The following ZNF827 variants were observed in gnomAD, a reference collection of about 807,000 sequenced individuals.
The protein encoded by ZNF827 is zinc finger protein 827.
Under a neutral mutation model 102.4 loss-of-function variants are expected in ZNF827, and 13 were observed. That is an observed-to-expected ratio of 0.13 (90% CI 0.08 to 0.20). The LOEUF (loss-of-function observed/expected upper bound fraction) is 0.20, where lower values mean the gene tolerates loss of function less well. Ranked by LOEUF, ZNF827 falls within the 10% of genes least tolerant of loss-of-function variation. The pLI, the probability that ZNF827 is intolerant of heterozygous loss-of-function variation, is 1.00. For missense variants in ZNF827, 1,103 were observed against 1,344.4 expected, an observed-to-expected ratio of 0.82 and a Z score of 2.81; for synonymous variants, 523 against 536.2, an observed-to-expected ratio of 0.98 and a Z score of 0.34.
Position 145,902,908 on chromosome 4 carries a change from C to G in ZNF827, c.351G>C (p.Lys117Asn). The G allele has an allele frequency of 6.2e-7, 1 of 1,614,170 alleles. No individual in the cohort carries two copies. The highest frequency in any genetic ancestry group is 1.3e-5 in the African/African-American group (1 of 75,046). The change falls in exon 2 of 15, where the codon AAG becomes AAC. Residue 117 changes from lysine (K) to asparagine (N), a missense_variant. Transcript: ENST00000508784. The surrounding 1 kb of genome is among the most constrained non-coding windows in gnomAD (Gnocchi z 4.3). ...GCCGCCTCAAATTGCTGCTCAGGGG[C>G]TTGTTGGAGCCTGGGTCATCGTCAC... ...SLCDDDPGSN[K>N]PLSSNLRRLL...
intron 2 of ZNF827, among the ~76,000 whole-genome samples, chr4:145,899,091 CTT>C (rs1160573474): frequency 6.6e-6 from 1 of 152,116 alleles, no homozygotes; most frequent in African/African-American, 2.4e-5. Context: ...AACAGAAACT[CTT>C]TTCCCTGCTG....
At position 145,892,280 on chromosome 4, in the gene ZNF827, C is replaced by T. The variant is rs1750663834; in HGVS notation, c.1229G>A (p.Arg410Gln). 6.2e-7 allele frequency: 1 copy of T among 1,612,800 alleles called. No individual in the cohort carries two copies. The highest frequency in any genetic ancestry group is 1.1e-5 in the South Asian group (1 of 90,748). ...KSHQCPLCPFRCARKDNLKSH... is the reference protein window; with the variant it reads ...KSHQCPLCPFQCARKDNLKSH... ...TTTGAGATTGTCCTTGCGAGCACAC[C>T]GGAATGGACAGAGCGGACACTGATG... Residue 410 changes from arginine (R) to glutamine (Q), a missense_variant, in exon 3 of 15, where the codon CGG (arginine) becomes CAG (glutamine). Around this residue, in one of 5 missense-constraint regions of ZNF827, gnomAD observed 20 missense variants for 60.6 expected, o/e 0.33. Coordinates refer to ENST00000508784, the MANE Select transcript of ZNF827 (RefSeq NM_001306215.2).
chr4:145,834,480 T>C (rs978848032), intron 7 of ZNF827, among the ~76,000 whole-genome samples: 2 of 151,894 alleles, frequency 1.3e-5, no homozygotes, highest in African/African-American at 4.8e-5. Flanking sequence ...CTCCACCCTA[T>C]ATAATCTTTT....
chr4:145,892,795 G>A (rs1750710038), intron 2 of ZNF827, among the ~76,000 whole-genome samples: 1 of 152,240 alleles, frequency 6.6e-6, no homozygotes, highest in Admixed American at 6.5e-5. Context: ...GTTTCCTGAA[G>A]GAAACTGTCA....
At chr4:145,859,883 T>C (rs954838011) in intron 5 of ZNF827, among the ~76,000 whole-genome samples, 2 of 152,176 alleles carry the variant, frequency 1.3e-5, no homozygotes, top group African/African-American at 4.8e-5. Context: ...CTTTCTAGTA[T>C]GAACAATGCT....
At chr4:145,909,979 G>T (rs1414130115) in intron 1 of ZNF827, among the ~76,000 whole-genome samples, 1 of 152,142 alleles carries the variant, frequency 6.6e-6, no homozygotes, top group Middle Eastern at 3.2e-3. Context: ...ACACCCAACC[G>T]CTGTCAGCGT....
rs565968266 is a variant in ZNF827, at chr4:145,758,458, T to C, written c.*3158A>G. The stretch of plus-strand genomic sequence containing the variant: ...TGGTGCTTAAGTGTGATTCGCCTTT[T>C]CTACCAGCCTCTGTGGGACTACTTT... On this transcript the variant is annotated 3_prime_UTR_variant, in exon 15 of 15. Coordinates refer to ENST00000508784, the MANE Select transcript of ZNF827 (RefSeq NM_001306215.2). The C allele has an allele frequency of 5.3e-5, 8 of 152,354 alleles. No individual in the cohort carries two copies. Among genetic ancestry groups the C allele is most frequent in the Non-Finnish European group, 5.9e-5 (4 of 68,036 alleles). 9.4% of individuals were successfully genotyped at this position (152,354 alleles called of 1,614,324 possible).
intron 3 of ZNF827, among the ~76,000 whole-genome samples, chr4:145,890,031 G>A (rs1333858122): frequency 6.6e-6 from 1 of 151,754 alleles, no homozygotes; most frequent in South Asian, 2.1e-4. Flanking sequence ...GTCTCTGGTG[G>A]ATGTAGCAGA....
chr4:145,842,238 T>C (rs1233252976), intron 7 of ZNF827, among the ~76,000 whole-genome samples: 1 of 152,214 alleles, frequency 6.6e-6, no homozygotes, highest in Non-Finnish European at 1.5e-5. Flanking sequence ...TCCCATTATT[T>C]TCACTCTCCT....
chr4:145,855,972 T>A (rs951940510), intron 5 of ZNF827, among the ~76,000 whole-genome samples: 3 of 152,006 alleles, frequency 2.0e-5, no homozygotes, highest in Non-Finnish European at 1.5e-5. Context: ...CAAAACAGAA[T>A]CACAAGTCGA....
intron 3 of ZNF827, among the ~76,000 whole-genome samples, chr4:145,891,331 G>C (rs1750586784): frequency 6.6e-6 from 1 of 152,144 alleles, no homozygotes; most frequent in African/African-American, 2.4e-5. Context: ...ACTTGCTCAA[G>C]GCCACTTAGC....
At chr4:145,768,858 C>CAAAAAAAAAAA (rs1174930111) in intron 11 of ZNF827, among the ~76,000 whole-genome samples, 1 of 4,534 alleles carries the variant, frequency 2.2e-4, no homozygotes, top group Non-Finnish European at 4.6e-4. Flanking sequence ...GACTCCGTCT[C>CAAAAAAAAAAA]AAAAAAAAAA....
In ZNF827 at chr4:145,762,158, T is replaced by G. The variant is rs1189334448; in HGVS notation, c.*18-560A>C. Among the ~76,000 whole-genome samples the G allele has an allele frequency of 2.6e-5, 4 of 152,134 alleles. No individual in the cohort carries two copies. The highest frequency in any genetic ancestry group is 5.9e-5 in the Non-Finnish European group (4 of 68,018). On this transcript the variant is annotated intron_variant, in intron 14 of 14. Coordinates refer to ENST00000508784, the MANE Select transcript of ZNF827 (RefSeq NM_001306215.2). The surrounding 1 kb of genome is among the most constrained non-coding windows in gnomAD (Gnocchi z 4.9). ...CGTGCTTATTAAGGGTTTGTTAGGA[T>G]GAGAAGGCCTGTGTGTGTCTCTCTG... is the stretch of plus-strand genomic sequence containing the variant.
At position 145,760,916 on chromosome 4, in the gene ZNF827, T is replaced by G. The variant is rs1381565400; in HGVS notation, c.*700A>C. 9 of 1,233,688 alleles carry G rather than the reference T, an allele frequency of 7.3e-6. No homozygotes were observed. Among genetic ancestry groups the G allele is most frequent in the Non-Finnish European group, 9.3e-6 (9 of 963,226 alleles). 76.4% of individuals were successfully genotyped at this position (1,233,688 alleles called of 1,614,324 possible). A position where few individuals can be genotyped will look rare whatever the true frequency, so the allele number is the denominator to read the frequency against. ...AAGTGGTTCTTGGGGTATAACATTGTCAAGGGAATGAGATGGGCAAAATCT... is the reference window on the plus strand; with the variant it reads ...AAGTGGTTCTTGGGGTATAACATTGGCAAGGGAATGAGATGGGCAAAATCT... On this transcript the variant is annotated 3_prime_UTR_variant, in exon 15 of 15. Coordinates refer to ENST00000508784, the MANE Select transcript of ZNF827 (RefSeq NM_001306215.2).
At chr4:145,771,717 T>C (rs1340663069) in intron 11 of ZNF827, among the ~76,000 whole-genome samples, 1 of 152,038 alleles carries the variant, frequency 6.6e-6, no homozygotes, top group African/African-American at 2.4e-5. Flanking sequence ...CACCAACCCA[T>C]AAGAAAATGT....
intron 1 of ZNF827, among the ~76,000 whole-genome samples, chr4:145,913,514 C>T (rs1752449986): frequency 6.6e-6 from 1 of 151,272 alleles, no homozygotes. Context: ...AAGATATACT[C>T]ATCCTTACAT....
chr4:145,779,449 G>A lies in ZNF827; in HGVS notation c.2446C>T (p.Leu816Phe). The A allele has an allele frequency of 6.2e-7, 1 of 1,614,246 alleles. No homozygotes were observed. The highest frequency in any genetic ancestry group is 1.3e-5 in the African/African-American group (1 of 75,064). The change falls in exon 9 of 15, where the codon CTT (leucine) becomes TTT (phenylalanine). Residue 816 changes from leucine to phenylalanine, a missense_variant. Transcript: ENST00000508784. Reference protein sequence around the residue: ...GLPSWKFNDQLFPCDVCGKVF... With the variant: ...GLPSWKFNDQFFPCDVCGKVF... ...TTCCCACACACGTCACAGGGAAAAA[G>A]CTGGTCATTGAATTTCCAGGATGGT...
At chr4:145,872,613 A>T (rs1220727248) in intron 4 of ZNF827, among the ~76,000 whole-genome samples, 2 of 152,184 alleles carry the variant, frequency 1.3e-5, no homozygotes, top group African/African-American at 2.4e-5. Flanking sequence ...GCGGTGGCTC[A>T]TGCTTGTAAT....
In ZNF827 at chr4:145,849,326, C is replaced by G; in HGVS notation, c.2217G>C (p.Leu739=). 1 of 1,613,696 alleles carries G rather than the reference C, an allele frequency of 6.2e-7. No individual in the cohort carries two copies. The highest frequency in any genetic ancestry group is 1.1e-5 in the South Asian group (1 of 91,064). Residue 739 remains leucine (L), a synonymous_variant, in exon 6 of 15, where the codon CTG becomes CTC. Coordinates refer to ENST00000508784, the MANE Select transcript of ZNF827 (RefSeq NM_001306215.2). ...VKMASELLFQ[L]SEKVSKEHNH... ...TTTTCCTGTGCATAAACATACCTGA[C>G]AGTTGAAAGAGGAGCTCGGAAGCCA...
Sources: gnomAD v4.1 joint callset for allele counts (sites outside exome capture counted in the v4.1 genomes callset) on GRCh38, gnomAD v4.1.1 for gene constraint, gnomAD v4.1.1 regional missense constraint, Gnocchi (gnomAD v3.1) non-coding constraint, MANE v1.5 for transcripts, NCBI Gene and HGNC (gene_info 2026-07-23, HGNC 2026-07-21) for gene names.